The following DSTN variants were observed in gnomAD, a reference collection of about 807,000 sequenced individuals.
DSTN encodes the protein destrin.
In DSTN, 10 loss-of-function variants were observed where a neutral mutation model predicts 16.8. The ratio of observed to expected loss-of-function variants is 0.60; its 90% CI spans 0.37 to 1.01. The LOEUF (loss-of-function observed/expected upper bound fraction) is 1.01. Among genes scored for constraint, DSTN ranks in the 50% least tolerant of loss-of-function variants. The pLI, the probability that DSTN is intolerant of heterozygous loss-of-function variation, is 0.01. For missense variants in DSTN, 141 were observed against 196.7 expected, an observed-to-expected ratio of 0.72 and a Z score of 1.69; for synonymous variants, 57 against 58.9, an observed-to-expected ratio of 0.97 and a Z score of 0.14.
intron 2 of DSTN, among the ~76,000 whole-genome samples, chr20:17,601,971 C>T (rs910476249): frequency 3.9e-4 from 57 of 146,860 alleles, no homozygotes; most frequent in African/African-American, 1.3e-3. Context: ...CAAGGATTCT[C>T]TTGATACTTT....
intron 1 of DSTN, chr20:17,599,604 C>T (rs1198151571): frequency 6.6e-6 from 1 of 152,284 alleles, no homozygotes; most frequent in Non-Finnish European, 1.5e-5. Context: ...AGAACAGTCG[C>T]AGTTGGTCAT....
chr20:17,582,574 C>T (rs766491135), intron 1 of DSTN, among the ~76,000 whole-genome samples: 1 of 152,114 alleles, frequency 6.6e-6, no homozygotes, highest in Non-Finnish European at 1.5e-5. Context: ...CCCAGTGTGA[C>T]GTGAGTGCCA....
intron 1 of DSTN, among the ~76,000 whole-genome samples, chr20:17,581,880 T>C (rs2035349086): frequency 6.6e-6 from 1 of 152,194 alleles, no homozygotes. Flanking sequence ...TGTAGAACAT[T>C]AAGAAAAATT....
At chr20:17,599,847 A>G (rs796515183) in intron 1 of DSTN, 2 of 152,368 alleles carry the variant, frequency 1.3e-5, no homozygotes, top group African/African-American at 4.8e-5. Context: ...CTGTTCAACC[A>G]TGACTGGCAG....
At chr20:17,571,399 A>T (rs1424231935) in intron 1 of DSTN, among the ~76,000 whole-genome samples, 1 of 152,236 alleles carries the variant, frequency 6.6e-6, no homozygotes, top group Non-Finnish European at 1.5e-5. Context: ...GCGGCCCCTT[A>T]GTGAAAGAAA....
chr20:17,570,827 A>G (rs947021849), intron 1 of DSTN, among the ~76,000 whole-genome samples: 13 of 152,278 alleles, frequency 8.5e-5, no homozygotes, highest in South Asian at 2.1e-4. Flanking sequence ...TTATCTGGCA[A>G]TCGGCTTCCA....
intron 1 of DSTN, among the ~76,000 whole-genome samples, chr20:17,590,162 A>G (rs1238261797): frequency 6.6e-6 from 1 of 152,244 alleles, no homozygotes; most frequent in African/African-American, 2.4e-5. Flanking sequence ...AAAGGTTACT[A>G]TCCTTATGCT....
In DSTN at chr20:17,588,691, G is replaced by A. The variant is rs559663524; in HGVS notation, c.4-12047G>A. The stretch of plus-strand genomic sequence containing the variant: ...CCCAGCTACTTGGGAGGCTGAGGCA[G>A]GAGAATGGCGTGAACCCAGGAGGCA... On this transcript the variant is annotated intron_variant, in intron 1 of 3. Transcript: ENST00000246069. Among the ~76,000 whole-genome samples, 247 of 152,266 alleles carry A rather than the reference G, an allele frequency of 1.6e-3. 2 individuals carry two copies. The highest frequency in any genetic ancestry group is 9.5e-3 in the South Asian group (46 of 4,830).
intron 1 of DSTN, among the ~76,000 whole-genome samples, chr20:17,592,943 T>C (rs1998217): frequency 0.99 from 151,464 of 152,344 alleles, 75,300 homozygotes; most frequent in Middle Eastern, 1. Context: ...TACTATAATT[T>C]TCTTCCTCTT....
intron 3 of DSTN, among the ~76,000 whole-genome samples, chr20:17,605,918 C>T (rs576909711): frequency 6.6e-6 from 1 of 151,264 alleles, no homozygotes; most frequent in South Asian, 2.1e-4. Flanking sequence ...GCCTGACCAA[C>T]ATGGTGAAAC....
Position 17,607,415 on chromosome 20 carries a change from T to C in DSTN, c.*269T>C, listed in dbSNP as rs1335687545. The C allele has an allele frequency of 2.9e-6, 1 of 345,574 alleles. No homozygotes were observed. Among genetic ancestry groups the C allele is most frequent in the Non-Finnish European group, 5.2e-6 (1 of 191,836 alleles). 21.4% of individuals were successfully genotyped at this position (345,574 alleles called of 1,614,324 possible). On this transcript the variant is annotated 3_prime_UTR_variant, in exon 4 of 4. Coordinates refer to ENST00000246069, the MANE Select transcript of DSTN (RefSeq NM_006870.4). ...TTTTGTTAAGCTCAGGATTTTAAAT[T>C]ACACAGTTCACAAACAGTAAAGGCC...
At chr20:17,579,664 C>A (rs1051644605) in intron 1 of DSTN, among the ~76,000 whole-genome samples, 5 of 152,200 alleles carry the variant, frequency 3.3e-5, no homozygotes, top group Non-Finnish European at 5.9e-5. Context: ...AAGCTTAGAT[C>A]TAATTAGGTA....
At chr20:17,600,163 T>C (rs897718760) in intron 1 of DSTN, among the ~76,000 whole-genome samples, 2 of 152,226 alleles carry the variant, frequency 1.3e-5, no homozygotes, top group African/African-American at 4.8e-5. Flanking sequence ...TTTATTCTAA[T>C]CTTAGTTTAA....
intron 1 of DSTN, among the ~76,000 whole-genome samples, chr20:17,574,573 G>T (rs2035246302): frequency 6.6e-6 from 1 of 151,678 alleles, no homozygotes; most frequent in Non-Finnish European, 1.5e-5. Context: ...AAAATTAAAA[G>T]TCTATAGCTG....
chr20:17,582,553 A>T (rs1043725256), intron 1 of DSTN, among the ~76,000 whole-genome samples: 3 of 152,182 alleles, frequency 2.0e-5, no homozygotes, highest in African/African-American at 7.2e-5. Flanking sequence ...ATAAAACTGT[A>T]TTTCCCATTT....
chr20:17,581,604 A>C (rs1338083688), intron 1 of DSTN, among the ~76,000 whole-genome samples: 1 of 152,200 alleles, frequency 6.6e-6, no homozygotes, highest in Non-Finnish European at 1.5e-5. Flanking sequence ...TTGGGGGTAG[A>C]GCTGGAAGGA....
chr20:17,597,252 G>A (rs1395834619), intron 1 of DSTN, among the ~76,000 whole-genome samples: 1 of 152,122 alleles, frequency 6.6e-6, no homozygotes, highest in Admixed American at 6.5e-5. Context: ...GAGTTTTCTA[G>A]TCCTAATTTT....
chr20:17,583,557 T>A (rs111483898), intron 1 of DSTN, among the ~76,000 whole-genome samples: 2,440 of 152,014 alleles, frequency 0.016, 60 homozygotes, highest in African/African-American at 0.056. Context: ...TGGATGAACA[T>A]TGAAAATATG....
intron 1 of DSTN, among the ~76,000 whole-genome samples, chr20:17,583,398 A>G (rs939443743): frequency 2.0e-5 from 3 of 152,228 alleles, no homozygotes; most frequent in African/African-American, 7.2e-5. Flanking sequence ...ACAAATGTGC[A>G]TAGCATTATT....
Sources: gnomAD v4.1 joint callset for allele counts (sites outside exome capture counted in the v4.1 genomes callset) on GRCh38, gnomAD v4.1.1 for gene constraint, MANE v1.5 for transcripts, NCBI Gene and HGNC (gene_info 2026-07-23, HGNC 2026-07-21) for gene names.